Variants in TUBGCP4 observed in about 807,000 individuals in gnomAD.
TUBGCP4 encodes the protein tubulin gamma complex component 4.
A neutral mutation model predicts 91.6 loss-of-function variants in TUBGCP4; 54 were observed. The observed-to-expected ratio is 0.59, with a 90% CI of 0.47 to 0.74. The LOEUF (loss-of-function observed/expected upper bound fraction) is 0.74, where lower values mean the gene tolerates loss of function less well. TUBGCP4 is among the 30% of genes least tolerant of loss of function. The probability of loss-of-function intolerance (pLI) is 0.00; values close to 1 mark genes in which losing one functional copy is unlikely to be tolerated. For missense variants in TUBGCP4, 593 were observed against 800.9 expected (o/e 0.74, Z 3.13); for synonymous variants, 297 against 302.8 (o/e 0.98, Z 0.20).
intron 9 of TUBGCP4, among the ~76,000 whole-genome samples, chr15:43,393,578 T>C (rs374823551): frequency 2.0e-5 from 3 of 152,286 alleles, no homozygotes; most frequent in South Asian, 2.1e-4. Context: ...GTATATCTCC[T>C]AATGCTATCC....
chr15:43,390,353 G>T (rs1043022183), intron 9 of TUBGCP4, among the ~76,000 whole-genome samples: 79 of 151,916 alleles, frequency 5.2e-4, no homozygotes, highest in African/African-American at 1.8e-3. Context: ...GGTATTTCTT[G>T]TATTAATTTT....
chr15:43,376,710 A>T, intron 3 of TUBGCP4, 85 bp downstream of exon 3: 1 of 1,580,438 alleles, frequency 6.3e-7, no homozygotes, highest in Non-Finnish European at 8.6e-7. Context: ...TGATAAGATC[A>T]GGTAGTTAAG....
intron 6 of TUBGCP4, among the ~76,000 whole-genome samples, chr15:43,382,908 C>G (rs2044305299): frequency 6.6e-6 from 1 of 152,078 alleles, no homozygotes; most frequent in South Asian, 2.1e-4. Flanking sequence ...CTAAGTGATT[C>G]CAACAAAAAT....
At position 43,406,602 on chromosome 15, in the gene TUBGCP4, A is replaced by T. The variant is rs2044896240; in HGVS notation, c.*1388A>T. 2.2e-6 allele frequency: 1 copy of T among 455,950 alleles called. No homozygotes were observed. Among genetic ancestry groups the T allele is most frequent in the African/African-American group, 2.0e-5 (1 of 50,076 alleles). The allele number at this position is 455,950 out of a possible 1,614,324, so 28.2% of individuals were successfully genotyped here. A position where few individuals can be genotyped will look rare whatever the true frequency, so the allele number is the denominator to read the frequency against. ...TATTTACTCTTTGACCCTTTACAGA[A>T]AAAAACCTTGTTGACCCCTGCTTTA... On this transcript the variant is annotated 3_prime_UTR_variant, in exon 18 of 18. Coordinates refer to ENST00000564079, the MANE Select transcript of TUBGCP4 (RefSeq NM_014444.5).
chr15:43,406,856 T>G lies in TUBGCP4; in HGVS notation c.*1642T>G. 3.2e-6 allele frequency: 1 copy of G among 314,754 alleles called. No individual in the cohort carries two copies. The highest frequency in any genetic ancestry group is 2.9e-5 in the South Asian group (1 of 34,538). The allele number at this position is 314,754 out of a possible 1,614,324, so 19.5% of individuals were successfully genotyped here. A position where few individuals can be genotyped will look rare whatever the true frequency, so the allele number is the denominator to read the frequency against. ...TTGGTCCTTTCGTTCTCCCTTTAGC[T>G]CTAAGAGTTGGGGAGTACCCACAGG... On this transcript the variant is annotated 3_prime_UTR_variant, in exon 18 of 18. Coordinates refer to ENST00000564079, the MANE Select transcript of TUBGCP4 (RefSeq NM_014444.5).
In TUBGCP4 at chr15:43,385,865, C is replaced by G; in HGVS notation, c.798C>G (p.Ser266=). ...CCCTACGAGTGGAGATTTTGCCATC[C>G]TACATTCCAGTGAGGGTTGCTGAAA... The part of the protein sequence containing the change: ...QFSLRVEILP[S]YIPVRVAEKI... The change falls in exon 8 of 18, where the codon TCC becomes TCG. Residue 266 remains serine (S), a synonymous_variant. Transcript: ENST00000564079. 3 of 1,614,122 alleles carry G rather than the reference C, an allele frequency of 1.9e-6. No homozygotes were observed. The highest frequency in any genetic ancestry group is 2.5e-6 in the Non-Finnish European group (3 of 1,180,008).
chr15:43,401,003 A>T (rs2044667758), intron 14 of TUBGCP4, among the ~76,000 whole-genome samples: 1 of 151,962 alleles, frequency 6.6e-6, no homozygotes, highest in Admixed American at 6.5e-5. Context: ...CCACCGCCAC[A>T]CCAGCCTCTT....
chr15:43,404,303 G>A (rs1595505721), intron 16 of TUBGCP4, 110 bp from the exon 17 acceptor site: 2 of 1,386,012 alleles, frequency 1.4e-6, no homozygotes, highest in East Asian at 4.7e-5. Context: ...AGGTGGTTCT[G>A]TAGAATTTTG....
rs1491265731 is a variant in TUBGCP4 at position 43,386,344 on chromosome 15, CGT to C, written c.1014+15_1014+16del. On this transcript the variant is annotated intron_variant, in intron 9 of 17. Coordinates refer to ENST00000564079, the MANE Select transcript of TUBGCP4 (RefSeq NM_014444.5). The stretch of plus-strand genomic sequence containing the variant: ...ACTGTGGCTGAGGTTTGTGTTTCAT[CGT>C]ATATATATATATATATATATATATA... 0.025 allele frequency: 6,098 copies of C among 243,566 alleles called. 734 individuals are homozygous for C. Among genetic ancestry groups the C allele is most frequent in the African/African-American group, 0.18 (1,402 of 7,658 alleles). The allele number at this position is 243,566 out of a possible 1,614,324, so 15.1% of individuals were successfully genotyped here. A position where few individuals can be genotyped will look rare whatever the true frequency, so the allele number is the denominator to read the frequency against.
Position 43,406,137 on chromosome 15 carries a change from A to C in TUBGCP4, c.*923A>C, listed in dbSNP as rs2044867007. On this transcript the variant is annotated 3_prime_UTR_variant, in exon 18 of 18. Coordinates refer to ENST00000564079, the MANE Select transcript of TUBGCP4 (RefSeq NM_014444.5). Reference sequence around the variant, plus strand: ...GTTGTTAGATTTTTAAATACTGAAGATTGCAGGCCCAATTACCCATCTTAC... The same window carrying C: ...GTTGTTAGATTTTTAAATACTGAAGCTTGCAGGCCCAATTACCCATCTTAC... The C allele has an allele frequency of 6.6e-6, 1 of 151,980 alleles. No homozygotes were observed. The highest frequency in any genetic ancestry group is 6.6e-5 in the Admixed American group (1 of 15,256). The allele number at this position is 151,980 out of a possible 1,614,324, so 9.4% of individuals were successfully genotyped here.
In TUBGCP4 at chr15:43,405,314, G is replaced by A. The variant is rs531589676; in HGVS notation, c.*100G>A. On this transcript the variant is annotated 3_prime_UTR_variant, in exon 18 of 18. Coordinates refer to ENST00000564079, the MANE Select transcript of TUBGCP4 (RefSeq NM_014444.5). ...TAGCCACACACAAATAAATATCTGCGGCTTAGTGATAGGACTCTACCTTTT... is the reference window on the plus strand; with the variant it reads ...TAGCCACACACAAATAAATATCTGCAGCTTAGTGATAGGACTCTACCTTTT... The A allele has an allele frequency of 3.4e-4, 475 of 1,391,092 alleles. 5 individuals carry two copies. The South Asian group carries it at 5.1e-3, about 15-fold the overall frequency. The allele number at this position is 1,391,092 out of a possible 1,614,324, so 86.2% of individuals were successfully genotyped here.
intron 9 of TUBGCP4, among the ~76,000 whole-genome samples, chr15:43,387,494 C>T (rs1249338783): frequency 6.6e-6 from 1 of 152,122 alleles, no homozygotes; most frequent in African/African-American, 2.4e-5. Context: ...TGGAGTCTTG[C>T]TGTGTCACCC....
chr15:43,408,798 C>G lies in TUBGCP4; in HGVS notation c.*3584C>G. ...ACTCAAATTTATCCCACAGACATTCCAATTTCTAGAAAGCTTTACTCTCTC... is the reference window on the plus strand; with the variant it reads ...ACTCAAATTTATCCCACAGACATTCGAATTTCTAGAAAGCTTTACTCTCTC... On this transcript the variant is annotated 3_prime_UTR_variant, in exon 18 of 18. Transcript: ENST00000564079. The G allele has an allele frequency of 8.2e-7, 1 of 1,223,196 alleles. No individual in the cohort carries two copies. The highest frequency in any genetic ancestry group is 1.2e-6 in the Non-Finnish European group (1 of 854,636). 75.8% of individuals were successfully genotyped at this position (1,223,196 alleles called of 1,614,324 possible). A position where few individuals can be genotyped will look rare whatever the true frequency, so the allele number is the denominator to read the frequency against.
intron 9 of TUBGCP4, among the ~76,000 whole-genome samples, chr15:43,392,718 C>G (rs916877226): frequency 1.3e-5 from 2 of 152,086 alleles, no homozygotes; most frequent in Admixed American, 6.6e-5. Flanking sequence ...TGGCTGATCC[C>G]GAACTGCTGA....
chr15:43,376,390 A>C, intron 2 of TUBGCP4, 113 bp from the exon 3 acceptor site: 1 of 1,603,694 alleles, frequency 6.2e-7, no homozygotes, highest in Non-Finnish European at 8.5e-7. Context: ...AAGTGAAGGC[A>C]AGGCCTCTAA....
intron 6 of TUBGCP4, among the ~76,000 whole-genome samples, chr15:43,382,331 T>G (rs2044297492): frequency 6.6e-6 from 1 of 152,220 alleles, no homozygotes. Flanking sequence ...ATATCCAAAT[T>G]TTTCTAGTTG....
intron 7 of TUBGCP4, 111 bp downstream of exon 7, chr15:43,383,615 A>C (rs773981416): frequency 1.8e-5 from 15 of 833,084 alleles, no homozygotes; most frequent in African/African-American, 5.2e-5. Flanking sequence ...ACCTTCCATC[A>C]ATCCTTTCGA....
Position 43,408,615 on chromosome 15 carries a change from C to T in TUBGCP4, c.*3401C>T. 1 of 414,622 alleles carries T rather than the reference C, an allele frequency of 2.4e-6. No homozygotes were observed. Among genetic ancestry groups the T allele is most frequent in the Non-Finnish European group, 4.5e-6 (1 of 224,148 alleles). The allele number at this position is 414,622 out of a possible 1,614,324, so 25.7% of individuals were successfully genotyped here. On this transcript the variant is annotated 3_prime_UTR_variant, in exon 18 of 18. Coordinates refer to ENST00000564079, the MANE Select transcript of TUBGCP4 (RefSeq NM_014444.5). Reference sequence around the variant, plus strand: ...GAATAATCCAAATCATGCTCCTGAGCCTATATATTTTTAATGCTTGCTTAA... The same window carrying T: ...GAATAATCCAAATCATGCTCCTGAGTCTATATATTTTTAATGCTTGCTTAA...
Position 43,400,221 on chromosome 15 carries a change from G to T in TUBGCP4, c.1596G>T (p.Gln532His), listed in dbSNP as rs759783460. ...TGGATAATCTTCAGTACTATCTCCA[G>T]GTCTGTGCTAAGAGATGAGTAGAAG... ...FLVDNLQYYL[Q>H]VDVLESQFSQ... Residue 532 changes from glutamine to histidine, a missense_variant and splice_region_variant, in exon 14 of 18, where the codon CAG becomes CAT. By Grantham distance (24) the Gln-to-His change is conservative. Coordinates refer to ENST00000564079, the MANE Select transcript of TUBGCP4 (RefSeq NM_014444.5). 6.2e-7 allele frequency: 1 copy of T among 1,613,912 alleles called. No individual in the cohort carries two copies. Among genetic ancestry groups the T allele is most frequent in the South Asian group, 1.1e-5 (1 of 91,074 alleles).
Sources: gnomAD v4.1 joint callset for allele counts (sites outside exome capture counted in the v4.1 genomes callset) on GRCh38, gnomAD v4.1.1 for gene constraint, MANE v1.5 for transcripts, NCBI Gene and HGNC (gene_info 2026-07-23, HGNC 2026-07-21) for gene names.